Variants in INPP5D observed in about 807,000 individuals in gnomAD.
INPP5D encodes phosphatidylinositol 3,4,5-trisphosphate 5-phosphatase 1.
A neutral mutation model predicts 122.9 loss-of-function variants in INPP5D; 33 were observed. The ratio of observed to expected loss-of-function variants is 0.27; its 90% CI spans 0.20 to 0.36. INPP5D has a LOEUF of 0.36. Ranked by LOEUF, INPP5D falls within the 10% of genes least tolerant of loss-of-function variation. INPP5D has a pLI of 1.00. For missense variants in INPP5D, 1,053 were observed against 1,412.7 expected, an observed-to-expected ratio of 0.75 and a Z score of 4.08; for synonymous variants, 584 against 576.2, an observed-to-expected ratio of 1.01 and a Z score of -0.19.
chr2:233,183,974 G>C lies in INPP5D; in HGVS notation c.2162-434G>C, dbSNP rs2106314853. On this transcript the variant is annotated intron_variant, in intron 19 of 26. Transcript: ENST00000445964. The surrounding 1 kb of genome is among the most constrained non-coding windows in gnomAD (Gnocchi z 4.6). Reference sequence around the variant, plus strand: ...GCTTATGGAGTCCAGAGGAAGGAGTGGGGATAACTGTGCCTAAGGGAGAGA... The same window carrying C: ...GCTTATGGAGTCCAGAGGAAGGAGTCGGGATAACTGTGCCTAAGGGAGAGA... 6.6e-6 allele frequency among the ~76,000 whole-genome samples: 1 copy of C among 152,308 alleles called. No homozygotes were observed. Among genetic ancestry groups the C allele is most frequent in the Admixed American group, 6.5e-5 (1 of 15,294 alleles).
rs147866691 is a variant in INPP5D, at chr2:233,181,543, A to G, written c.2072-867A>G. ...CAGCCTTGAGTGCCCATTTCCTGCCAGGCATCTCCAACGGGCTATCTTGAA... is the reference window on the plus strand; with the variant it reads ...CAGCCTTGAGTGCCCATTTCCTGCCGGGCATCTCCAACGGGCTATCTTGAA... On this transcript the variant is annotated intron_variant, in intron 18 of 26. Coordinates refer to ENST00000445964, the MANE Select transcript of INPP5D (RefSeq NM_001017915.3). 2.9e-3 allele frequency among the ~76,000 whole-genome samples: 445 copies of G among 152,294 alleles called. 2 individuals are homozygous for G. The highest frequency in any genetic ancestry group is 9.8e-3 in the African/African-American group (409 of 41,546).
chr2:233,174,188 G>A (rs10193017), intron 17 of INPP5D, among the ~76,000 whole-genome samples: 39,090 of 152,124 alleles, frequency 0.26, 5,796 homozygotes, highest in East Asian at 0.42. Context: ...TCGTAAACAC[G>A]GAAATGAGTG....
rs926717477 is a variant in INPP5D at position 233,105,323 on chromosome 2, G to A, written c.199-16784G>A. ...TCTACACCTGTGCTTTGCCAGTGCC[G>A]CTCCCTTCGCCCGCCAGGGTGCTCC... On this transcript the variant is annotated intron_variant, in intron 2 of 26. Transcript: ENST00000445964. This position sits in a 1 kb window ranked among gnomAD's most constrained non-coding sequence, Gnocchi z 4.0. 1.3e-5 allele frequency among the ~76,000 whole-genome samples: 2 copies of A among 152,142 alleles called. No individual in the cohort carries two copies. The highest frequency in any genetic ancestry group is 1.5e-5 in the Non-Finnish European group (1 of 68,020).
Position 233,164,130 on chromosome 2 carries a change from C to G in INPP5D, c.1438-177C>G, listed in dbSNP as rs2106295678. The stretch of plus-strand genomic sequence containing the variant: ...CCCACCCTTGGTCAGCCCCGGTTCT[C>G]ATCTTTAGGATGTTTTGTCTCGCCT... On this transcript the variant is annotated intron_variant, in intron 12 of 26. Coordinates refer to ENST00000445964, the MANE Select transcript of INPP5D (RefSeq NM_001017915.3). This position sits in a 1 kb window ranked among gnomAD's most constrained non-coding sequence, Gnocchi z 4.3. Among the ~76,000 whole-genome samples, 1 of 152,294 alleles carries G rather than the reference C, an allele frequency of 6.6e-6. No individual in the cohort carries two copies. Among genetic ancestry groups the G allele is most frequent in the East Asian group, 1.9e-4 (1 of 5,168 alleles).
intron 6 of INPP5D, among the ~76,000 whole-genome samples, chr2:233,142,880 G>A (rs1238601189): frequency 6.6e-6 from 1 of 152,058 alleles, no homozygotes; most frequent in African/African-American, 2.4e-5. Context: ...TCTCTGTCGT[G>A]GAGGACTCCT....
chr2:233,117,013 A>G (rs564027195), intron 2 of INPP5D, among the ~76,000 whole-genome samples: 3 of 152,226 alleles, frequency 2.0e-5, no homozygotes, highest in African/African-American at 7.2e-5. Flanking sequence ...GGAGGCGTTC[A>G]CTCCAGGGAA....
At chr2:233,148,038 C>A (rs910169347) in intron 9 of INPP5D, among the ~76,000 whole-genome samples, 4 of 152,230 alleles carry the variant, frequency 2.6e-5, no homozygotes, top group Admixed American at 6.5e-5. Flanking sequence ...GCTCTTTAGG[C>A]TAGAGCCCAG....
chr2:233,204,617 C>A lies in INPP5D; in HGVS notation c.3467C>A (p.Ser1156Tyr), dbSNP rs764138587. ...KSPAVLHLQH[S>Y]KGRDYRDNTE... ...CCGGCGGTGCTGCACCTCCAGCACT[C>A]CAAGGGCCGCGACTACCGCGACAAC... The change falls in exon 26 of 27, where the codon TCC (serine) becomes TAC (tyrosine). Residue 1156 changes from serine to tyrosine, a missense_variant. By Grantham distance (144) the Ser-to-Tyr change is moderately radical. Around this residue, in one of 6 missense-constraint regions of INPP5D, gnomAD observed 417 missense variants for 425.8 expected, o/e 0.98. Transcript: ENST00000445964. 2 of 1,576,988 alleles carry A rather than the reference C, an allele frequency of 1.3e-6. No homozygotes were observed. The highest frequency in any genetic ancestry group is 1.8e-5 in the Admixed American group (1 of 54,830).
chr2:233,125,890 C>T lies in INPP5D; in HGVS notation c.495C>T (p.Phe165=), dbSNP rs1693144326. 6.2e-7 allele frequency: 1 copy of T among 1,613,804 alleles called. No individual in the cohort carries two copies. The highest frequency in any genetic ancestry group is 8.5e-7 in the Non-Finnish European group (1 of 1,179,828). The change falls in exon 4 of 27, where the codon TTC becomes TTT. Residue 165 remains phenylalanine (F), a synonymous_variant. Transcript: ENST00000445964. ...TSRPSLSETL[F]QRLQSMDTSG... is the part of the protein sequence containing the mutation. ...GGCCGAGCCTCTCCGAGACATTGTT[C>T]CAGCGACTGCAAAGCATGGACACCA...
intron 11 of INPP5D, among the ~76,000 whole-genome samples, chr2:233,163,019 A>C (rs4284829): frequency 0.23 from 35,490 of 152,068 alleles, 4,367 homozygotes; most frequent in East Asian, 0.42. Context: ...GGGTTCGGGC[A>C]CCCACTTTGA....
At chr2:233,174,805 A>G (rs1694577319) in intron 17 of INPP5D, among the ~76,000 whole-genome samples, 1 of 152,018 alleles carries the variant, frequency 6.6e-6, no homozygotes, top group South Asian at 2.1e-4. Flanking sequence ...AAAAAAAAAA[A>G]AAAAAGGACT....
intron 11 of INPP5D, among the ~76,000 whole-genome samples, chr2:233,163,215 C>A (rs969622406): frequency 1.3e-5 from 2 of 152,164 alleles, no homozygotes; most frequent in Admixed American, 6.5e-5. Context: ...AATGGGAATG[C>A]GGAGGAGTTT....
At chr2:233,145,765 G>A (rs1015891445) in intron 6 of INPP5D, among the ~76,000 whole-genome samples, 26 of 152,086 alleles carry the variant, frequency 1.7e-4, no homozygotes, top group African/African-American at 5.6e-4. Context: ...TCTCCTCTAC[G>A]TGGAGAAGAA....
chr2:233,186,240 C>T (rs1306711713), intron 21 of INPP5D, among the ~76,000 whole-genome samples: 3 of 152,190 alleles, frequency 2.0e-5, no homozygotes, highest in African/African-American at 7.2e-5. Flanking sequence ...GGGCCAAGCG[C>T]TGTTTGCTCA....
At chr2:233,181,139 G>C (rs1694773499) in intron 18 of INPP5D, among the ~76,000 whole-genome samples, 1 of 152,062 alleles carries the variant, frequency 6.6e-6, no homozygotes, top group Non-Finnish European at 1.5e-5. Flanking sequence ...CTTCTCTCCT[G>C]TCCCTTTCTC....
intron 5 of INPP5D, among the ~76,000 whole-genome samples, chr2:233,139,315 A>G (rs1380946825): frequency 2.6e-5 from 4 of 152,304 alleles, no homozygotes; most frequent in Admixed American, 1.3e-4. Flanking sequence ...TGGATGTGAC[A>G]ATGGGAAAAT....
At chr2:233,112,531 T>C (rs1692660782) in intron 2 of INPP5D, among the ~76,000 whole-genome samples, 1 of 152,198 alleles carries the variant, frequency 6.6e-6, no homozygotes, top group African/African-American at 2.4e-5. Context: ...CTGGCTATCT[T>C]TCATGGAGGA....
intron 17 of INPP5D, among the ~76,000 whole-genome samples, chr2:233,176,466 T>G: frequency 7.4e-6 from 1 of 135,458 alleles, no homozygotes; most frequent in South Asian, 2.6e-4. Context: ...GGTGGATGGA[T>G]GGGTGGATAG....
At chr2:233,186,478 A>G (rs1196620393) in intron 21 of INPP5D, among the ~76,000 whole-genome samples, 2 of 152,016 alleles carry the variant, frequency 1.3e-5, no homozygotes, top group African/African-American at 4.8e-5. Flanking sequence ...GCCAGACCTT[A>G]GTGGGAACAC....
Sources: gnomAD v4.1 joint callset for allele counts (sites outside exome capture counted in the v4.1 genomes callset) on GRCh38, gnomAD v4.1.1 for gene constraint, gnomAD v4.1.1 regional missense constraint, Gnocchi (gnomAD v3.1) non-coding constraint, MANE v1.5 for transcripts, NCBI Gene and HGNC (gene_info 2026-07-23, HGNC 2026-07-21) for gene names.